Variants in EFNA5 observed in about 807,000 individuals in gnomAD.
EFNA5 encodes the protein ephrin A5, also known as ephrin-A5.
Under a neutral mutation model 22.9 loss-of-function variants are expected in EFNA5, and 5 were observed. The ratio of observed to expected loss-of-function variants is 0.22; its 90% CI spans 0.11 to 0.46. The LOEUF (loss-of-function observed/expected upper bound fraction) is 0.46, where lower values mean the gene tolerates loss of function less well. Among genes scored for constraint, EFNA5 ranks in the 20% least tolerant of loss-of-function variants. EFNA5 has a pLI of 0.99. For synonymous variants in EFNA5, 113 were observed against 112.2 expected (o/e 1.01, Z -0.04); for missense variants, 237 against 293.3 (o/e 0.81, Z 1.40).
chr5:107,406,862 G>T (rs1748236813), intron 2 of EFNA5, among the ~76,000 whole-genome samples: 1 of 152,102 alleles, frequency 6.6e-6, no homozygotes, highest in Admixed American at 6.5e-5. Flanking sequence ...ATCACCTCAA[G>T]AAAAACACTT....
At chr5:107,381,435 C>G in intron 4 of EFNA5, 59 bp from the exon 5 acceptor site, 1 of 1,547,076 alleles carries the variant, frequency 6.5e-7, no homozygotes, top group East Asian at 2.3e-5. Context: ...AACTCTCTTG[C>G]AGCAGCCTGC....
intron 1 of EFNA5, among the ~76,000 whole-genome samples, chr5:107,475,016 C>T (rs1324658420): frequency 6.6e-6 from 1 of 152,174 alleles, no homozygotes; most frequent in Non-Finnish European, 1.5e-5. Context: ...CACAATATGA[C>T]TGTGCTTTAC....
At chr5:107,439,403 C>T (rs141157474) in intron 1 of EFNA5, among the ~76,000 whole-genome samples, 38 of 152,256 alleles carry the variant, frequency 2.5e-4, no homozygotes, top group African/African-American at 8.2e-4. Flanking sequence ...TCTGAGCAGA[C>T]TAATATGAGC....
intron 1 of EFNA5, among the ~76,000 whole-genome samples, chr5:107,452,247 C>T (rs374491295): frequency 2.4e-4 from 37 of 151,984 alleles, no homozygotes; most frequent in East Asian, 9.7e-4. Flanking sequence ...ACTTAGAGGA[C>T]GGGTCAATAG....
chr5:107,587,811 C>T (rs1306239435), intron 1 of EFNA5, among the ~76,000 whole-genome samples: 1 of 152,220 alleles, frequency 6.6e-6, no homozygotes, highest in African/African-American at 2.4e-5. Context: ...GCCACTGCGC[C>T]TGGCCTGCCA....
chr5:107,452,515 G>A (rs969217497), intron 1 of EFNA5, among the ~76,000 whole-genome samples: 5 of 151,930 alleles, frequency 3.3e-5, no homozygotes, highest in Admixed American at 1.3e-4. Context: ...CTTGAGCCCC[G>A]AAGTTTGAGA....
intron 1 of EFNA5, among the ~76,000 whole-genome samples, chr5:107,452,291 T>C (rs563152546): frequency 6.6e-6 from 1 of 152,028 alleles, no homozygotes; most frequent in African/African-American, 2.4e-5. Context: ...CGTATACCTA[T>C]GTGACAAACC....
chr5:107,502,631 C>T (rs1229335127), intron 1 of EFNA5, among the ~76,000 whole-genome samples: 2 of 152,116 alleles, frequency 1.3e-5, no homozygotes, highest in East Asian at 1.9e-4. Flanking sequence ...ATACTCAGGA[C>T]GTGCAAAGGA....
intron 2 of EFNA5, among the ~76,000 whole-genome samples, chr5:107,404,875 A>G (rs1248991982): frequency 6.6e-6 from 1 of 152,236 alleles, no homozygotes; most frequent in African/African-American, 2.4e-5. Context: ...ATTTCAATAA[A>G]AAAGCTGCAT....
At chr5:107,422,449 T>A (rs1748694447) in intron 2 of EFNA5, among the ~76,000 whole-genome samples, 1 of 152,214 alleles carries the variant, frequency 6.6e-6, no homozygotes, top group Non-Finnish European at 1.5e-5. Flanking sequence ...AACAAGGTGT[T>A]ATTTTTATAT....
intron 2 of EFNA5, among the ~76,000 whole-genome samples, chr5:107,426,160 C>T (rs887308233): frequency 6.6e-6 from 1 of 152,164 alleles, no homozygotes; most frequent in Non-Finnish European, 1.5e-5. Context: ...ATCTTGCATC[C>T]CCCAGCATTT....
At chr5:107,441,270 G>A (rs1180488394) in intron 1 of EFNA5, among the ~76,000 whole-genome samples, 1 of 152,110 alleles carries the variant, frequency 6.6e-6, no homozygotes, top group Non-Finnish European at 1.5e-5. Flanking sequence ...CGTGATTAGG[G>A]AAAATAACAT....
At chr5:107,426,549 A>G (rs1748814390) in intron 2 of EFNA5, among the ~76,000 whole-genome samples, 1 of 152,230 alleles carries the variant, frequency 6.6e-6, no homozygotes, top group Admixed American at 6.5e-5. Flanking sequence ...TATAATGGAG[A>G]AGAAACAAGG....
At chr5:107,400,503 A>T (rs927271734) in intron 2 of EFNA5, among the ~76,000 whole-genome samples, 4 of 152,148 alleles carry the variant, frequency 2.6e-5, no homozygotes, top group African/African-American at 9.7e-5. Flanking sequence ...CCCTACTAGT[A>T]TAACTGACAG....
intron 1 of EFNA5, among the ~76,000 whole-genome samples, chr5:107,614,059 T>C (rs1749869521): frequency 6.6e-6 from 1 of 152,186 alleles, no homozygotes; most frequent in South Asian, 2.1e-4. Context: ...ACTCACCATC[T>C]AATGAACCTT....
intron 1 of EFNA5, among the ~76,000 whole-genome samples, chr5:107,642,719 C>T (rs1400288000): frequency 1.3e-5 from 2 of 151,938 alleles, no homozygotes; most frequent in Non-Finnish European, 2.9e-5. Context: ...AAAATGTTCG[C>T]AAAATGGAGA....
intron 1 of EFNA5, among the ~76,000 whole-genome samples, chr5:107,618,873 A>G (rs1477288344): frequency 6.6e-6 from 1 of 152,088 alleles, no homozygotes; most frequent in Non-Finnish European, 1.5e-5. Context: ...GGATATACCC[A>G]TAATCATTCC....
chr5:107,397,758 T>C (rs1200331721), intron 2 of EFNA5, among the ~76,000 whole-genome samples: 8 of 152,176 alleles, frequency 5.3e-5, no homozygotes, highest in Non-Finnish European at 8.8e-5. Context: ...GTTCTCTCTG[T>C]AGAAGATGAA....
intron 2 of EFNA5, 74 bp downstream of exon 2, chr5:107,427,143 T>C: frequency 7.8e-6 from 12 of 1,535,078 alleles, no homozygotes; most frequent in Non-Finnish European, 1.1e-5. Flanking sequence ...TCTGCAATTC[T>C]CTGAAACATG....
Sources: allele counts gnomAD v4.1 joint callset (sites outside exome capture counted in the v4.1 genomes callset), GRCh38; gene constraint gnomAD v4.1.1; transcripts MANE v1.5; gene names NCBI Gene and HGNC (gene_info 2026-07-23, HGNC 2026-07-21).